CACHD1: variants seen among roughly 807,000 people sequenced by gnomAD.
The protein encoded by CACHD1 is cache domain containing 1.
Under a neutral mutation model 138.7 loss-of-function variants are expected in CACHD1, and 71 were observed. That is an observed-to-expected ratio of 0.51 (90% CI 0.42 to 0.62). The LOEUF (loss-of-function observed/expected upper bound fraction) is 0.62, where lower values mean the gene tolerates loss of function less well. Ranked by LOEUF, CACHD1 falls within the 20% of genes least tolerant of loss-of-function variation. The pLI, the probability that CACHD1 is intolerant of heterozygous loss-of-function variation, is 0.00. For synonymous variants in CACHD1, 578 were observed against 591.5 expected (o/e 0.98, Z 0.33); for missense variants, 1,389 against 1,625.3 (o/e 0.85, Z 2.50).
intron 2 of CACHD1, chr1:64,579,731 T>C (rs1285906471): frequency 2.0e-5 from 3 of 152,858 alleles, no homozygotes; most frequent in African/African-American, 4.8e-5. Flanking sequence ...CTCTCAGGAA[T>C]GAATTTTTAA....
chr1:64,655,717 T>C (rs1197863279), intron 12 of CACHD1, among the ~76,000 whole-genome samples: 2 of 152,176 alleles, frequency 1.3e-5, no homozygotes, highest in East Asian at 1.9e-4. Context: ...TGTGTTTCTC[T>C]TCTCTCCTCT....
rs370564649 is a variant in CACHD1, at chr1:64,544,286, A to G, written c.199-6308A>G. 5.3e-5 allele frequency among the ~76,000 whole-genome samples: 8 copies of G among 152,250 alleles called. No homozygotes were observed. In the East Asian group the frequency reaches 1.4e-3, roughly 26 times the overall value. The stretch of plus-strand genomic sequence containing the variant: ...AGAATCTCATTAGGCTTGCAAAGGT[A>G]TTTATTTCTTTGCTGTGGTATTCTG... On this transcript the variant is annotated intron_variant, in intron 1 of 26. Coordinates refer to ENST00000651257, the MANE Select transcript of CACHD1 (RefSeq NM_020925.4).
In CACHD1 at chr1:64,652,216, T is replaced by C; in HGVS notation, c.1446T>C (p.Ile482=). The C allele has an allele frequency of 2.5e-6, 4 of 1,613,506 alleles. No homozygotes were observed. Among genetic ancestry groups the C allele is most frequent in the Non-Finnish European group, 3.4e-6 (4 of 1,179,542 alleles). Residue 482 remains isoleucine (I), a synonymous_variant, in exon 10 of 27, where the codon ATT becomes ATC. Coordinates refer to ENST00000651257, the MANE Select transcript of CACHD1 (RefSeq NM_020925.4). ...PCYFGNLLLG[I]VGVDVNLAYI... is the part of the protein sequence containing the mutation. ...ATTTTGGAAACCTACTTCTGGGAATTGTAGGTGTGGACGTGAATCTGGCTT... is the reference window on the plus strand; with the variant it reads ...ATTTTGGAAACCTACTTCTGGGAATCGTAGGTGTGGACGTGAATCTGGCTT...
chr1:64,653,957 C>A, intron 11 of CACHD1, 76 bp downstream of exon 11: 1 of 1,252,936 alleles, frequency 8.0e-7, no homozygotes, highest in Non-Finnish European at 1.1e-6. Flanking sequence ...CGAGTATTTA[C>A]TACAGAGTAT....
intron 1 of CACHD1, among the ~76,000 whole-genome samples, chr1:64,524,791 T>C (rs1646524182): frequency 6.6e-6 from 1 of 152,202 alleles, no homozygotes; most frequent in Non-Finnish European, 1.5e-5. Context: ...ATGATGATGA[T>C]GATGAAGATG....
chr1:64,691,405 A>G lies in CACHD1; in HGVS notation c.3669A>G (p.Gly1223=), dbSNP rs768574639. 1 of 1,614,112 alleles carries G rather than the reference A, an allele frequency of 6.2e-7. No individual in the cohort carries two copies. Among genetic ancestry groups the G allele is most frequent in the South Asian group, 1.1e-5 (1 of 91,076 alleles). The change falls in exon 27 of 27, where the codon GGA becomes GGG. Residue 1223 remains glycine, a synonymous_variant. Transcript: ENST00000651257. ...NDPLSAGVDV[G]NHDEDLDLDT... is the part of the protein sequence containing the mutation. ...CCTTGTCAGCCGGGGTCGATGTGGGAAACCATGATGAGGACTTAGACCTGG... is the reference window on the plus strand; with the variant it reads ...CCTTGTCAGCCGGGGTCGATGTGGGGAACCATGATGAGGACTTAGACCTGG...
Position 64,652,256 on chromosome 1 carries a change from G to A in CACHD1, c.1486G>A (p.Val496Met), listed in dbSNP as rs757030910. ...GAATCTGGCTTACATTCTTGAAGAC[G>A]TGACGTATTACCAAGACTCTTTGGC... is the stretch of plus-strand genomic sequence containing the variant. Reference protein sequence around the residue: ...DVNLAYILEDVTYYQDSLASY... With the variant: ...DVNLAYILEDMTYYQDSLASY... Residue 496 changes from valine (V) to methionine (M), a missense_variant, in exon 10 of 27, where the codon GTG becomes ATG. By Grantham distance (21) the Val-to-Met change is conservative. This residue lies in a region of CACHD1 where 1,000 missense variants were observed against 1,114.7 expected (regional missense o/e 0.90). Transcript: ENST00000651257. 17 of 1,613,534 alleles carry A rather than the reference G, an allele frequency of 1.1e-5. No homozygotes were observed. The highest frequency in any genetic ancestry group is 1.3e-5 in the African/African-American group (1 of 74,878).
At chr1:64,532,127 C>G (rs1310714478) in intron 1 of CACHD1, among the ~76,000 whole-genome samples, 2 of 152,116 alleles carry the variant, frequency 1.3e-5, no homozygotes, top group Non-Finnish European at 2.9e-5. Context: ...TTAAGGGAGT[C>G]TTAATGATAA....
intron 1 of CACHD1, among the ~76,000 whole-genome samples, chr1:64,538,043 A>T (rs1338173737): frequency 6.6e-6 from 1 of 152,196 alleles, no homozygotes; most frequent in Non-Finnish European, 1.5e-5. Flanking sequence ...GTTAGTTAAT[A>T]ATTATTGTTG....
At chr1:64,513,610 G>T (rs996997714) in intron 1 of CACHD1, among the ~76,000 whole-genome samples, 1 of 152,180 alleles carries the variant, frequency 6.6e-6, no homozygotes, top group Non-Finnish European at 1.5e-5. Flanking sequence ...CATTTGAGTT[G>T]CATCTTGCCA....
At chr1:64,622,416 A>T (rs1647947879) in intron 4 of CACHD1, among the ~76,000 whole-genome samples, 1 of 152,226 alleles carries the variant, frequency 6.6e-6, no homozygotes, top group African/African-American at 2.4e-5. Context: ...TCTTTATAAG[A>T]TTAAGTGGTC....
intron 1 of CACHD1, among the ~76,000 whole-genome samples, chr1:64,484,314 G>A (rs1188063287): frequency 2.6e-5 from 4 of 151,902 alleles, no homozygotes; most frequent in African/African-American, 7.3e-5. Flanking sequence ...CCAGGGGAGC[G>A]GTTTAGGGGG....
At chr1:64,509,537 T>A (rs1289093913) in intron 1 of CACHD1, among the ~76,000 whole-genome samples, 1 of 152,222 alleles carries the variant, frequency 6.6e-6, no homozygotes, top group Non-Finnish European at 1.5e-5. Context: ...GAAAAGGATC[T>A]CAGGGTAAAA....
chr1:64,675,454 A>G lies in CACHD1; in HGVS notation c.2781A>G (p.Ala927=). Reference sequence around the variant, plus strand: ...GCCACTGTTCCAAATACAGATTAGCAAGGATCCCAGGAACCAACGCGTTTG... The same window carrying G: ...GCCACTGTTCCAAATACAGATTAGCGAGGATCCCAGGAACCAACGCGTTTG... The part of the protein sequence containing the change: ...HGSHCSKYRL[A]RIPGTNAFVG... Residue 927 remains alanine, a synonymous_variant, in exon 20 of 27, where the codon GCA becomes GCG. Transcript: ENST00000651257. 6.2e-7 allele frequency: 1 copy of G among 1,613,646 alleles called. No homozygotes were observed. The highest frequency in any genetic ancestry group is 1.1e-5 in the South Asian group (1 of 91,054).
intron 1 of CACHD1, among the ~76,000 whole-genome samples, chr1:64,530,947 T>TTAGAAGGA (rs1646580288): frequency 6.7e-6 from 1 of 149,196 alleles, no homozygotes; most frequent in African/African-American, 2.5e-5. Context: ...TTTTTTTTTT[T>TTAGAAGGA]AGAAGGAAGA....
At chr1:64,637,467 T>C (rs570933169) in intron 7 of CACHD1, among the ~76,000 whole-genome samples, 4 of 152,208 alleles carry the variant, frequency 2.6e-5, no homozygotes, top group Non-Finnish European at 5.9e-5. Context: ...TTTTCAAATG[T>C]TGACATTTGT....
Position 64,470,386 on chromosome 1 carries a change from C to G in CACHD1, c.-359C>G, listed in dbSNP as rs1373873230. 2.0e-5 allele frequency among the ~76,000 whole-genome samples: 3 copies of G among 151,704 alleles called. No individual in the cohort carries two copies. The highest frequency in any genetic ancestry group is 2.9e-5 in the Non-Finnish European group (2 of 67,876). ...CCGCGCGGCTCGGCTCGGGCTCCGA[C>G]TCCGACTCCGATTCCGACTGTCAGC... On this transcript the variant is annotated 5_prime_UTR_variant, in exon 1 of 27. Transcript: ENST00000651257. The surrounding 1 kb of genome is among the most constrained non-coding windows in gnomAD (Gnocchi z 5.2).
At chr1:64,505,787 G>T in intron 1 of CACHD1, 1 of 114,784 alleles carries the variant, frequency 8.7e-6, no homozygotes, top group South Asian at 2.8e-4. Flanking sequence ...CCTTCTCCCT[G>T]ACCCTCCTCC....
At chr1:64,497,036 TAAA>T (rs1005586650) in intron 1 of CACHD1, among the ~76,000 whole-genome samples, 1 of 146,044 alleles carries the variant, frequency 6.8e-6, no homozygotes, top group South Asian at 2.2e-4. Context: ...ATTTGGTCCT[TAAA>T]AAAAAAAAAT....
Sources: allele counts gnomAD v4.1 joint callset (sites outside exome capture counted in the v4.1 genomes callset), GRCh38; gene constraint gnomAD v4.1.1; regional missense constraint gnomAD v4.1.1; non-coding constraint Gnocchi (gnomAD v3.1); transcripts MANE v1.5; gene names NCBI Gene and HGNC (gene_info 2026-07-23, HGNC 2026-07-21).